LARGE1: variants seen among roughly 807,000 people sequenced by gnomAD.
The protein encoded by LARGE1 is xylosyl- and glucuronyltransferase LARGE1.
Under a neutral mutation model 87.6 loss-of-function variants are expected in LARGE1, and 43 were observed. That is an observed-to-expected ratio of 0.49 (90% confidence interval 0.38 to 0.63). LARGE1 has a LOEUF of 0.63. Among genes scored for constraint, LARGE1 ranks in the 30% least tolerant of loss-of-function variants. LARGE1 has a pLI of 0.00. For missense variants in LARGE1, 802 were observed against 1,000.2 expected, an observed-to-expected ratio of 0.80 and a Z score of 2.67; for synonymous variants, 434 against 394.6, an observed-to-expected ratio of 1.10 and a Z score of -1.18.
intron 1 of LARGE1, among the ~76,000 whole-genome samples, chr22:33,809,167 G>A (rs2086411234): frequency 6.6e-6 from 1 of 151,922 alleles, no homozygotes; most frequent in African/African-American, 2.4e-5. Flanking sequence ...AGCTACTCAG[G>A]AGGCTCAGGC....
Position 33,532,828 on chromosome 22 carries a change from C to T in LARGE1, c.787+32020G>A, listed in dbSNP as rs573411731. The stretch of plus-strand genomic sequence containing the variant: ...TTTGTGAGTGCCAAGTAGTGTTAGG[C>T]GCAACGGCCCTGGAACCTGCTCATC... On this transcript the variant is annotated intron_variant, in intron 6 of 14. Transcript: ENST00000397394. Among the ~76,000 whole-genome samples, 9 of 152,272 alleles carry T rather than the reference C, an allele frequency of 5.9e-5. 1 individual carries two copies. The highest frequency in any genetic ancestry group is 1.3e-4 in the Admixed American group (2 of 15,284).
At chr22:33,221,303 G>C (rs1021868642) in intron 11 of LARGE1, among the ~76,000 whole-genome samples, 4 of 152,164 alleles carry the variant, frequency 2.6e-5, no homozygotes, top group African/African-American at 9.7e-5. Flanking sequence ...GGAAATGCCT[G>C]TGCCGGTTTT....
At chr22:33,858,580 G>A (rs547802029) in intron 1 of LARGE1, among the ~76,000 whole-genome samples, 20 of 152,192 alleles carry the variant, frequency 1.3e-4, no homozygotes, top group Non-Finnish European at 2.9e-4. Context: ...GGTCGGGTGT[G>A]AGCTAAGATG....
chr22:33,506,382 C>T (rs2070767470), intron 6 of LARGE1, among the ~76,000 whole-genome samples: 2 of 152,150 alleles, frequency 1.3e-5, no homozygotes, highest in African/African-American at 4.8e-5. Flanking sequence ...GAGCAGGGAT[C>T]TGGCATCAGA....
chr22:33,917,346 G>A lies in LARGE1; in HGVS notation c.-83+2649C>T, dbSNP rs952004442. On this transcript the variant is annotated intron_variant, in intron 1 of 14. Transcript: ENST00000397394. ...CAATGGGGCAGTCAGTGTTCTTCAG[G>A]GAAGTAGAATTATCTTCCAATTCTG... is the stretch of plus-strand genomic sequence containing the variant. Among the ~76,000 whole-genome samples, 6 of 152,156 alleles carry A rather than the reference G, an allele frequency of 3.9e-5. No homozygotes were observed. In the East Asian group the frequency reaches 1.2e-3, roughly 29 times the overall value.
chr22:33,818,786 A>G (rs1050254664), intron 1 of LARGE1, among the ~76,000 whole-genome samples: 40 of 152,282 alleles, frequency 2.6e-4, no homozygotes, highest in African/African-American at 7.9e-4. Context: ...CCCAAGGACC[A>G]GGGAGCCCAG....
intron 6 of LARGE1, among the ~76,000 whole-genome samples, chr22:33,454,139 C>T (rs943869347): frequency 9.9e-5 from 15 of 152,162 alleles, no homozygotes; most frequent in African/African-American, 3.1e-4. Flanking sequence ...CTATGTCGGT[C>T]ATGAAACATC....
At chr22:33,476,923 T>C (rs2069105606) in intron 6 of LARGE1, among the ~76,000 whole-genome samples, 1 of 152,106 alleles carries the variant, frequency 6.6e-6, no homozygotes. Context: ...AGTCATGAGG[T>C]GCTGCCCTGC....
chr22:33,520,865 C>CT (rs2071548363), intron 6 of LARGE1, among the ~76,000 whole-genome samples: 1 of 152,224 alleles, frequency 6.6e-6, no homozygotes, highest in Non-Finnish European at 1.5e-5. Context: ...GCATAACAAG[C>CT]TTCCAGCTGT....
At chr22:33,602,998 G>A (rs1303790276) in intron 5 of LARGE1, among the ~76,000 whole-genome samples, 4 of 152,160 alleles carry the variant, frequency 2.6e-5, no homozygotes, top group Non-Finnish European at 5.9e-5. Flanking sequence ...GAGACAGAGT[G>A]GCTTGCTTTC....
chr22:33,704,556 C>T (rs559063957), intron 2 of LARGE1, among the ~76,000 whole-genome samples: 2 of 152,312 alleles, frequency 1.3e-5, no homozygotes, highest in African/African-American at 4.8e-5. Context: ...AGCCTGATTC[C>T]CTGAGCACTA....
At chr22:33,195,597 C>G (rs1490112482) in intron 11 of LARGE1, among the ~76,000 whole-genome samples, 1 of 151,224 alleles carries the variant, frequency 6.6e-6, no homozygotes, top group East Asian at 1.9e-4. Context: ...AAGAAGAAAT[C>G]AAAAAAGAAA....
At chr22:33,156,888 C>T in the LARGE1 span, among the ~76,000 whole-genome samples, 64,107 of 151,868 alleles carry the variant, frequency 0.42, 13,965 homozygotes, top group South Asian at 0.68. Flanking sequence ...CAGGTCTTTC[C>T]TGTGCTGTTA....
upstream of LARGE1, among the ~76,000 whole-genome samples, chr22:33,921,803 G>T (rs1054638691): frequency 2.0e-5 from 3 of 152,126 alleles, no homozygotes; most frequent in Admixed American, 1.3e-4. The surrounding 1 kb of genome is among the most constrained non-coding windows in gnomAD (Gnocchi z 4.1). Flanking sequence ...GGACCAGGGT[G>T]GGGGTACGGA....
chr22:33,312,694 T>C (rs130250), intron 11 of LARGE1, among the ~76,000 whole-genome samples: 126,296 of 152,166 alleles, frequency 0.83, 52,929 homozygotes, highest in African/African-American at 0.96. Context: ...GTTGGAGAAA[T>C]GGGCACCTGG....
chr22:33,170,943 G>A (rs923596274), intron 11 of LARGE1, among the ~76,000 whole-genome samples: 5 of 152,212 alleles, frequency 3.3e-5, no homozygotes, highest in African/African-American at 7.2e-5. Flanking sequence ...GAACTTCCTA[G>A]AGACTTGTTG....
intron 2 of LARGE1, among the ~76,000 whole-genome samples, chr22:33,665,336 G>A (rs2081238279): frequency 6.6e-6 from 1 of 152,064 alleles, no homozygotes; most frequent in African/African-American, 2.4e-5. Context: ...AGTCTTCTGT[G>A]GATCTGTTTC....
intron 11 of LARGE1, among the ~76,000 whole-genome samples, chr22:33,212,238 C>G (rs931364138): frequency 6.6e-6 from 1 of 152,224 alleles, no homozygotes; most frequent in East Asian, 1.9e-4. Context: ...CAGGCTGCCT[C>G]TCTTGTGAGG....
chr22:33,886,659 A>AAG, intron 1 of LARGE1, among the ~76,000 whole-genome samples: 1 of 140,262 alleles, frequency 7.1e-6, no homozygotes, highest in Non-Finnish European at 1.6e-5. Flanking sequence ...ATTCTGCCAA[A>AAG]AAAAAAAAAA....
Sources: gnomAD v4.1 joint callset for allele counts (sites outside exome capture counted in the v4.1 genomes callset) on GRCh38, gnomAD v4.1.1 for gene constraint, Gnocchi (gnomAD v3.1) non-coding constraint, MANE v1.5 for transcripts, NCBI Gene and HGNC (gene_info 2026-07-23, HGNC 2026-07-21) for gene names.